Variants in COA1 observed in about 807,000 individuals in gnomAD.
COA1 encodes the protein cytochrome c oxidase assembly factor 1 homolog.
Under a neutral mutation model 16.0 loss-of-function variants are expected in COA1, and 13 were observed. The observed-to-expected ratio is 0.81, with a 90% CI of 0.53 to 1.29. The LOEUF (loss-of-function observed/expected upper bound fraction) is 1.29, where lower values mean the gene tolerates loss of function less well. Ranked by LOEUF, COA1 falls within the 50% of genes most tolerant of loss-of-function variation. The pLI, the probability that COA1 is intolerant of heterozygous loss-of-function variation, is 0.00. For synonymous variants in COA1, 65 were observed against 65.7 expected (o/e 0.99, Z 0.05); for missense variants, 179 against 177.0 (o/e 1.01, Z -0.06).
At chr7:43,691,126 A>G (rs147922987) in intron 1 of COA1, among the ~76,000 whole-genome samples, 44 of 149,824 alleles carry the variant, frequency 2.9e-4, no homozygotes, top group African/African-American at 1.1e-3. Context: ...GCCTATATAT[A>G]GTCCAGCTAC....
intron 1 of COA1, among the ~76,000 whole-genome samples, chr7:43,669,413 C>T (rs1210640965): frequency 6.6e-6 from 1 of 152,176 alleles, no homozygotes; most frequent in African/African-American, 2.4e-5. Context: ...ATTCCTGCCA[C>T]CTTCTTCCCC....
At chr7:43,623,635 T>G (rs758876695) in intron 6 of COA1, 27 of 1,608,454 alleles carry the variant, frequency 1.7e-5, no homozygotes, top group Non-Finnish European at 2.1e-5. Context: ...GAGTTATTAA[T>G]GAAAAATTGA....
chr7:43,692,364 C>A (rs111437730), intron 1 of COA1, among the ~76,000 whole-genome samples: 1 of 151,990 alleles, frequency 6.6e-6, no homozygotes, highest in Non-Finnish European at 1.5e-5. Flanking sequence ...ACAAAAAATA[C>A]AAATCTTAGC....
intron 1 of COA1, among the ~76,000 whole-genome samples, chr7:43,700,564 A>G: frequency 6.9e-6 from 1 of 145,962 alleles, no homozygotes; most frequent in African/African-American, 2.6e-5. Flanking sequence ...ACGTATATAT[A>G]TGTACACATA....
At chr7:43,644,639 G>A (rs867963584) in intron 4 of COA1, among the ~76,000 whole-genome samples, 1 of 151,578 alleles carries the variant, frequency 6.6e-6, no homozygotes. Context: ...CGATCCTCCT[G>A]CTTCAGCCTC....
intron 1 of COA1, among the ~76,000 whole-genome samples, chr7:43,688,760 T>G (rs924250988): frequency 6.6e-6 from 1 of 152,230 alleles, no homozygotes; most frequent in Non-Finnish European, 1.5e-5. Flanking sequence ...AATGGCTGTT[T>G]GAGCTCCTGC....
At chr7:43,681,589 T>C (rs376256937) in intron 1 of COA1, among the ~76,000 whole-genome samples, 1 of 152,136 alleles carries the variant, frequency 6.6e-6, no homozygotes, top group Admixed American at 6.5e-5. Context: ...AATGGCAGGG[T>C]ATTGTAGACT....
At chr7:43,654,647 G>C (rs1584488409) in intron 1 of COA1, among the ~76,000 whole-genome samples, 1 of 152,294 alleles carries the variant, frequency 6.6e-6, no homozygotes, top group East Asian at 1.9e-4. Context: ...AAAATGGCAA[G>C]TGGAGATTTA....
chr7:43,680,548 A>G (rs560640148), intron 1 of COA1, among the ~76,000 whole-genome samples: 1 of 152,342 alleles, frequency 6.6e-6, no homozygotes, highest in African/African-American at 2.4e-5. Flanking sequence ...GTGTTTTTAA[A>G]TCTATGAGTT....
Position 43,666,051 on chromosome 7 carries a change from T to C in COA1, c.-38-17399A>G, listed in dbSNP as rs567261126. ...TCTACTGATTCAAATGCTAATCTCT[T>C]CTGAAAATACCCTCACAGATACCTC... On this transcript the variant is annotated intron_variant, in intron 1 of 5. Coordinates refer to ENST00000223336, the MANE Select transcript of COA1 (RefSeq NM_018224.4). 3.3e-5 allele frequency among the ~76,000 whole-genome samples: 5 copies of C among 152,330 alleles called. No individual in the cohort carries two copies. The South Asian group carries it at 1.0e-3, about 32-fold the overall frequency.
chr7:43,728,594 G>A (rs990091922), intron 1 of COA1, among the ~76,000 whole-genome samples: 1 of 152,142 alleles, frequency 6.6e-6, no homozygotes, highest in African/African-American at 2.4e-5. Context: ...GCAGAATCAA[G>A]ACCCTGTAGG....
At chr7:43,637,605 C>T (rs2086117571), downstream of COA1, among the ~76,000 whole-genome samples, 1 of 152,180 alleles carries the variant, frequency 6.6e-6, no homozygotes, top group Non-Finnish European at 1.5e-5. Context: ...TACATCACTG[C>T]TATCCTCAAA....
At chr7:43,691,425 G>T (rs202155180) in intron 1 of COA1, among the ~76,000 whole-genome samples, 15 of 32,434 alleles carry the variant, frequency 4.6e-4, no homozygotes, top group Admixed American at 8.6e-4. Context: ...GAAAGAAAAA[G>T]AAAGAAAGAA....
chr7:43,619,847 A>T, intron 6 of COA1: 1 of 1,281,776 alleles, frequency 7.8e-7, no homozygotes, highest in African/African-American at 1.5e-5. Flanking sequence ...ACCATCAGAG[A>T]TCTATTCCTT....
intron 1 of COA1, among the ~76,000 whole-genome samples, chr7:43,709,520 T>A (rs2095139615): frequency 1.3e-5 from 2 of 151,520 alleles, no homozygotes; most frequent in Non-Finnish European, 2.9e-5. Flanking sequence ...CACTATTTAC[T>A]GAAATATATT....
At chr7:43,687,721 T>C (rs1213039864) in intron 1 of COA1, among the ~76,000 whole-genome samples, 1 of 152,126 alleles carries the variant, frequency 6.6e-6, no homozygotes, top group Non-Finnish European at 1.5e-5. Context: ...AGTTCCAACA[T>C]ATCATGCATT....
chr7:43,698,501 C>CTAATA (rs2094598995), intron 1 of COA1, among the ~76,000 whole-genome samples: 1 of 152,150 alleles, frequency 6.6e-6, no homozygotes. Flanking sequence ...ATATTGAAAA[C>CTAATA]TTGTCATCCA....
At chr7:43,635,010 C>T (rs886168787), downstream of COA1, among the ~76,000 whole-genome samples, 3 of 152,186 alleles carry the variant, frequency 2.0e-5, no homozygotes, top group Non-Finnish European at 4.4e-5. Context: ...CCAGGCTGCA[C>T]TTAGTGGAGG....
intron 1 of COA1, among the ~76,000 whole-genome samples, chr7:43,728,135 C>T (rs1316692214): frequency 1.3e-5 from 2 of 152,036 alleles, no homozygotes; most frequent in African/African-American, 4.8e-5. Context: ...CCACCACGCC[C>T]GGCTAATTTT....
Sources: allele counts gnomAD v4.1 joint callset (sites outside exome capture counted in the v4.1 genomes callset), GRCh38; gene constraint gnomAD v4.1.1; transcripts MANE v1.5; gene names NCBI Gene and HGNC (gene_info 2026-07-23, HGNC 2026-07-21).